The following DAP3 variants were observed in gnomAD, a reference collection of about 807,000 sequenced individuals.
DAP3 encodes death associated protein 3, also known as small ribosomal subunit protein mS29.
A neutral mutation model predicts 51.9 loss-of-function variants in DAP3; 28 were observed. The ratio of observed to expected loss-of-function variants is 0.54; its 90% CI spans 0.40 to 0.74. The LOEUF is 0.74. Among genes scored for constraint, DAP3 ranks in the 30% least tolerant of loss-of-function variants. The probability of loss-of-function intolerance (pLI) is 0.00; values close to 1 mark genes in which losing one functional copy is unlikely to be tolerated. For missense variants in DAP3, 458 were observed against 483.5 expected, an observed-to-expected ratio of 0.95 and a Z score of 0.49; for synonymous variants, 170 against 170.3, an observed-to-expected ratio of 1.00 and a Z score of 0.01.
chr1:155,688,810 C>A (rs184902288), upstream of DAP3: 721 of 1,559,748 alleles, frequency 4.6e-4, 4 homozygotes, highest in Middle Eastern at 2.4e-3. Context: ...GTCCCCACCG[C>A]GGGACTGTTC....
chr1:155,723,993 C>T (rs1266712952), intron 4 of DAP3, among the ~76,000 whole-genome samples: 7 of 148,560 alleles, frequency 4.7e-5, no homozygotes, highest in Non-Finnish European at 7.4e-5. Context: ...GAGCTGAGAT[C>T]GTGTCACTGC....
At chr1:155,729,164 A>AG in intron 8 of DAP3, 42 bp downstream of exon 8, 1 of 1,614,120 alleles carries the variant, frequency 6.2e-7, no homozygotes, top group Non-Finnish European at 8.5e-7. Context: ...CGATAACAAG[A>AG]GAAGGCCTCT....
At chr1:155,716,163 A>G (rs1402817172) in intron 2 of DAP3, among the ~76,000 whole-genome samples, 1 of 152,230 alleles carries the variant, frequency 6.6e-6, no homozygotes, top group African/African-American at 2.4e-5. Context: ...TCCGTATAGG[A>G]CAGACCCCTG....
chr1:155,725,216 A>G (rs1261173227), intron 4 of DAP3, among the ~76,000 whole-genome samples, 166 bp from the exon 5 acceptor site: 3 of 152,170 alleles, frequency 2.0e-5, no homozygotes, highest in Non-Finnish European at 4.4e-5. Context: ...GCTAAGTTAT[A>G]TGGATAGATT....
chr1:155,738,335 G>A lies in DAP3; in HGVS notation c.*93G>A. On this transcript the variant is annotated 3_prime_UTR_variant, in exon 13 of 13. Transcript: ENST00000368336. ...AGTCGGGCAGTACACAGGAAGAGGAGCCAGGCCCTTGTACCTATGGGATTG... is the reference window on the plus strand; with the variant it reads ...AGTCGGGCAGTACACAGGAAGAGGAACCAGGCCCTTGTACCTATGGGATTG... 7.2e-7 allele frequency: 1 copy of A among 1,393,570 alleles called. No homozygotes were observed. The highest frequency in any genetic ancestry group is 1.4e-5 in the African/African-American group (1 of 70,206). The allele number at this position is 1,393,570 out of a possible 1,614,324, so 86.3% of individuals were successfully genotyped here.
At chr1:155,737,304 C>T (rs1015734321) in intron 12 of DAP3, among the ~76,000 whole-genome samples, 2 of 152,312 alleles carry the variant, frequency 1.3e-5, no homozygotes, top group African/African-American at 2.4e-5. Flanking sequence ...AAGGCAACTC[C>T]ATCCACTGGG....
intron 6 of DAP3, 111 bp downstream of exon 6, chr1:155,726,130 T>TTG: frequency 4.5e-6 from 4 of 879,874 alleles, no homozygotes; most frequent in Non-Finnish European, 6.6e-6. Context: ...TTTTTTTTTT[T>TTG]GAGATGGAGT....
chr1:155,714,582 T>C (rs1657106174), intron 2 of DAP3, among the ~76,000 whole-genome samples: 1 of 151,762 alleles, frequency 6.6e-6, no homozygotes, highest in African/African-American at 2.4e-5. Flanking sequence ...ATGACCAACA[T>C]GGTGAAACCC....
chr1:155,725,900 T>C, intron 5 of DAP3, 27 bp from the exon 6 acceptor site: 2 of 1,600,098 alleles, frequency 1.2e-6, no homozygotes, highest in South Asian at 1.1e-5. Flanking sequence ...CTTCCAGTCA[T>C]GTTTTCTTTA....
chr1:155,720,399 T>G lies in DAP3; in HGVS notation c.169-1118T>G, dbSNP rs934886055. ...GGCTCACGCCTGTAATCCCAGCACT[T>G]TGGGAAGCTGAGGCAGGTGGATCAC... On this transcript the variant is annotated intron_variant, in intron 3 of 12. Coordinates refer to ENST00000368336, the MANE Select transcript of DAP3 (RefSeq NM_004632.4). 1.7e-3 allele frequency among the ~76,000 whole-genome samples: 249 copies of G among 149,648 alleles called. 3 individuals are homozygous for G. The highest frequency in any genetic ancestry group is 2.1e-3 in the Admixed American group (32 of 15,052).
intron 9 of DAP3, among the ~76,000 whole-genome samples, chr1:155,730,354 C>T (rs1366824114): frequency 6.6e-6 from 1 of 151,278 alleles, no homozygotes; most frequent in Non-Finnish European, 1.5e-5. Context: ...TGATAAATCC[C>T]AGCACTTTTA....
chr1:155,693,893 G>A (rs1018113455), intron 1 of DAP3, among the ~76,000 whole-genome samples: 7 of 140,976 alleles, frequency 5.0e-5, no homozygotes, highest in Admixed American at 1.3e-4. Context: ...CTTGGGGGGC[G>A]GAGGTTGCAG....
At chr1:155,702,829 G>A (rs1655479936) in intron 1 of DAP3, among the ~76,000 whole-genome samples, 1 of 152,114 alleles carries the variant, frequency 6.6e-6, no homozygotes, top group South Asian at 2.1e-4. Context: ...AATTAGCCAG[G>A]CGTGGTGGTG....
rs1221355967 is a variant in DAP3, at chr1:155,689,260, G to A, written c.-8+86G>A. The stretch of plus-strand genomic sequence containing the variant: ...CTCCAGGAGGTAGGGAGTGAGGCCG[G>A]TAGACCGGCGCGCCTCCGGGGGGGA... On this transcript the variant is annotated intron_variant, in intron 1 of 12. Coordinates refer to ENST00000368336, the MANE Select transcript of DAP3 (RefSeq NM_004632.4). 1.8e-5 allele frequency: 12 copies of A among 667,726 alleles called. No homozygotes were observed. In the Admixed American group the frequency reaches 1.8e-4, roughly 10 times the overall value. 41.4% of individuals were successfully genotyped at this position (667,726 alleles called of 1,614,324 possible).
At chr1:155,713,904 AG>A (rs938901513) in intron 2 of DAP3, among the ~76,000 whole-genome samples, 1 of 152,250 alleles carries the variant, frequency 6.6e-6, no homozygotes, top group African/African-American at 2.4e-5. Flanking sequence ...GTACAACTCA[AG>A]GCAGTGTAAT....
At chr1:155,718,089 A>G (rs1260538536) in intron 3 of DAP3, among the ~76,000 whole-genome samples, 2 of 152,188 alleles carry the variant, frequency 1.3e-5, no homozygotes, top group Non-Finnish European at 2.9e-5. Flanking sequence ...TGTTTTAAAT[A>G]TATCTCTAGG....
At chr1:155,721,912 AT>A in intron 4 of DAP3, 1 of 503,204 alleles carries the variant, frequency 2.0e-6, no homozygotes, top group Non-Finnish European at 3.5e-6. Context: ...AATAGTTAAT[AT>A]GCTGCACAAA....
At chr1:155,702,312 A>T (rs1177722861) in intron 1 of DAP3, among the ~76,000 whole-genome samples, 1 of 142,066 alleles carries the variant, frequency 7.0e-6, no homozygotes, top group African/African-American at 3.2e-5. Context: ...TACTAAAAAA[A>T]ATACAAAAAA....
intron 1 of DAP3, among the ~76,000 whole-genome samples, chr1:155,693,956 CCT>C (rs1278130624): frequency 7.1e-6 from 1 of 140,172 alleles, no homozygotes; most frequent in Non-Finnish European, 1.5e-5. Context: ...AGCAAAACTC[CCT>C]CTCAAAAAAA....
Sources: gnomAD v4.1 joint callset for allele counts (sites outside exome capture counted in the v4.1 genomes callset) on GRCh38, gnomAD v4.1.1 for gene constraint, MANE v1.5 for transcripts, NCBI Gene and HGNC (gene_info 2026-07-23, HGNC 2026-07-21) for gene names.